Variants in CTNND2 observed in about 807,000 individuals in gnomAD.
The protein encoded by CTNND2 is catenin delta 2, also known as catenin delta-2.
In CTNND2, 22 loss-of-function variants were observed where a neutral mutation model predicts 144.4. That is an observed-to-expected ratio of 0.15 (90% CI 0.11 to 0.22). CTNND2 has a LOEUF of 0.22. Among genes scored for constraint, CTNND2 ranks in the 10% least tolerant of loss-of-function variants. The probability of loss-of-function intolerance (pLI) is 1.00; values close to 1 mark genes in which losing one functional copy is unlikely to be tolerated. For missense variants in CTNND2, 1,353 were observed against 1,618.8 expected (o/e 0.84, Z 2.82); for synonymous variants, 751 against 695.6 (o/e 1.08, Z -1.25).
chr5:11,365,483 T>G (rs542582583), intron 7 of CTNND2, among the ~76,000 whole-genome samples: 1 of 152,308 alleles, frequency 6.6e-6, no homozygotes, highest in South Asian at 2.1e-4. Flanking sequence ...CCCTCTAAAT[T>G]GAAGCATTTA....
intron 1 of CTNND2, among the ~76,000 whole-genome samples, chr5:11,817,751 G>A (rs1793070838): frequency 1.3e-5 from 2 of 152,068 alleles, no homozygotes; most frequent in African/African-American, 4.8e-5. Flanking sequence ...CTCACAAAGT[G>A]AGAAACCATG....
At chr5:11,450,147 C>A (rs185313568) in intron 3 of CTNND2, among the ~76,000 whole-genome samples, 26 of 152,300 alleles carry the variant, frequency 1.7e-4, no homozygotes, top group Admixed American at 1.0e-3. Context: ...ATGTATCATT[C>A]GTGTAAAATG....
At chr5:11,754,838 T>G (rs567472821) in intron 1 of CTNND2, among the ~76,000 whole-genome samples, 3 of 151,774 alleles carry the variant, frequency 2.0e-5, no homozygotes, top group Non-Finnish European at 4.4e-5. Context: ...GCCTGTGGGT[T>G]TCATTCCATG....
intron 1 of CTNND2, among the ~76,000 whole-genome samples, chr5:11,830,454 T>G (rs1445991356): frequency 1.3e-5 from 2 of 152,254 alleles, no homozygotes; most frequent in Non-Finnish European, 1.5e-5. Flanking sequence ...TCTCATGAGA[T>G]CTGATGGTTT....
In CTNND2 at chr5:11,858,926, C is replaced by G. The variant is rs1795375711; in HGVS notation, c.37+44891G>C. Reference sequence around the variant, plus strand: ...CCTGGGCGACAGAGTGAGACTACGTCTCAAAAAAAGAGTAAGTAAGAATAA... The same window carrying G: ...CCTGGGCGACAGAGTGAGACTACGTGTCAAAAAAAGAGTAAGTAAGAATAA... On this transcript the variant is annotated intron_variant, in intron 1 of 21. Coordinates refer to ENST00000304623, the MANE Select transcript of CTNND2 (RefSeq NM_001332.4). Among the ~76,000 whole-genome samples the G allele has an allele frequency of 2.0e-5, 3 of 152,062 alleles. No homozygotes were observed. The South Asian group carries it at 6.2e-4, about 32-fold the overall frequency.
intron 18 of CTNND2, among the ~76,000 whole-genome samples, chr5:11,003,886 T>A (rs1740208326): frequency 6.6e-6 from 1 of 152,216 alleles, no homozygotes; most frequent in Non-Finnish European, 1.5e-5. Context: ...TTAATTAAAT[T>A]GATTTGGATA....
intron 1 of CTNND2, among the ~76,000 whole-genome samples, chr5:11,793,414 C>T (rs531105165): frequency 6.6e-6 from 1 of 152,262 alleles, no homozygotes; most frequent in Admixed American, 6.5e-5. Flanking sequence ...GAAGTCCTAA[C>T]CCCCAATACC....
intron 2 of CTNND2, among the ~76,000 whole-genome samples, chr5:11,625,763 T>G (rs1378463908): frequency 2.0e-5 from 3 of 151,928 alleles, no homozygotes; most frequent in Non-Finnish European, 4.4e-5. Context: ...GACTCAACAC[T>G]AAAAAGAGAA....
intron 1 of CTNND2, among the ~76,000 whole-genome samples, chr5:11,811,102 GTT>G (rs1581922508): frequency 6.6e-6 from 1 of 152,140 alleles, no homozygotes; most frequent in East Asian, 1.9e-4. Context: ...TATTCATTGA[GTT>G]TCCTAGGAAC....
intron 16 of CTNND2, among the ~76,000 whole-genome samples, chr5:11,025,842 T>C (rs1393861103): frequency 6.6e-6 from 1 of 152,210 alleles, no homozygotes; most frequent in African/African-American, 2.4e-5. Flanking sequence ...TGCTGCCCAG[T>C]AGGAGGAATC....
chr5:11,819,416 CA>C (rs1483638798), intron 1 of CTNND2, among the ~76,000 whole-genome samples: 1 of 152,048 alleles, frequency 6.6e-6, no homozygotes, highest in Non-Finnish European at 1.5e-5. Flanking sequence ...GCCTGGGTGA[CA>C]GAGCAAGATT....
chr5:11,894,139 A>C (rs1354991806), intron 1 of CTNND2, among the ~76,000 whole-genome samples: 2 of 152,126 alleles, frequency 1.3e-5, no homozygotes, highest in African/African-American at 4.8e-5. Context: ...GAAGCCAACT[A>C]TGGTTCACAC....
At chr5:11,848,546 T>A (rs1157406411) in intron 1 of CTNND2, among the ~76,000 whole-genome samples, 2 of 152,026 alleles carry the variant, frequency 1.3e-5, no homozygotes, top group Admixed American at 6.6e-5. Context: ...ATGACTAAAT[T>A]TTCCCCCTAC....
chr5:11,622,889 G>A (rs1338371070), intron 2 of CTNND2, among the ~76,000 whole-genome samples: 1 of 152,096 alleles, frequency 6.6e-6, no homozygotes, highest in Non-Finnish European at 1.5e-5. Flanking sequence ...TACCCCTTAA[G>A]CATGTAAGAT....
At chr5:11,607,670 C>G (rs1780117631) in intron 2 of CTNND2, among the ~76,000 whole-genome samples, 1 of 152,208 alleles carries the variant, frequency 6.6e-6, no homozygotes, top group Non-Finnish European at 1.5e-5. Flanking sequence ...TATGAATCCA[C>G]TTCTGCAAGA....
intron 3 of CTNND2, among the ~76,000 whole-genome samples, chr5:11,564,098 A>G (rs1776888840): frequency 6.6e-6 from 1 of 152,176 alleles, no homozygotes; most frequent in Non-Finnish European, 1.5e-5. Context: ...GTGAGTCACT[A>G]TATGGAGAAG....
chr5:11,374,775 CTT>C (rs56327510), intron 7 of CTNND2, among the ~76,000 whole-genome samples: 350 of 99,290 alleles, frequency 3.5e-3, no homozygotes, highest in Non-Finnish European at 3.9e-3. Context: ...TCCCAATCTA[CTT>C]TTTTTTTTTT....
chr5:11,260,555 C>T (rs752685300), intron 9 of CTNND2, among the ~76,000 whole-genome samples: 11 of 152,176 alleles, frequency 7.2e-5, no homozygotes, highest in Non-Finnish European at 1.5e-4. Flanking sequence ...GAAAATTCAT[C>T]TGTGAGGGCC....
intron 3 of CTNND2, among the ~76,000 whole-genome samples, chr5:11,517,811 T>G (rs1376408342): frequency 1.3e-5 from 2 of 151,686 alleles, no homozygotes; most frequent in Non-Finnish European, 2.9e-5. Context: ...AATAATAAAA[T>G]AAATAAATAA....
Sources: allele counts gnomAD v4.1 joint callset (sites outside exome capture counted in the v4.1 genomes callset), GRCh38; gene constraint gnomAD v4.1.1; transcripts MANE v1.5; gene names NCBI Gene and HGNC (gene_info 2026-07-23, HGNC 2026-07-21).